Variants in GTF2H1 observed in about 807,000 individuals in gnomAD.
The protein encoded by GTF2H1 is general transcription factor IIH subunit 1.
Under a neutral mutation model 71.2 loss-of-function variants are expected in GTF2H1, and 16 were observed. The ratio of observed to expected loss-of-function variants is 0.22; its 90% confidence interval spans 0.15 to 0.34. The LOEUF (loss-of-function observed/expected upper bound fraction) is 0.34. Among genes scored for constraint, GTF2H1 ranks in the 10% least tolerant of loss-of-function variants. GTF2H1 has a pLI of 1.00. For synonymous variants in GTF2H1, 215 were observed against 219.0 expected (o/e 0.98, Z 0.16); for missense variants, 498 against 648.2 (o/e 0.77, Z 2.52).
chr11:18,348,259 C>G (rs1394642770), intron 9 of GTF2H1: 1 of 391,952 alleles, frequency 2.6e-6, no homozygotes, highest in Admixed American at 4.4e-5. Flanking sequence ...GACAGAAAAA[C>G]CGAAGTTTCA....
At chr11:18,324,578 A>G (rs757509007) in intron 1 of GTF2H1, among the ~76,000 whole-genome samples, 16 of 152,134 alleles carry the variant, frequency 1.1e-4, no homozygotes, top group Non-Finnish European at 2.2e-4. Context: ...ATTCCCTACC[A>G]TCAGAATGTT....
chr11:18,342,306 G>T (rs1188081055), intron 7 of GTF2H1, among the ~76,000 whole-genome samples: 1 of 126,338 alleles, frequency 7.9e-6, no homozygotes, highest in Non-Finnish European at 1.6e-5. Context: ...CTGTTGCCCA[G>T]GCTGGAGTGC....
chr11:18,344,304 T>G (rs4150627), intron 7 of GTF2H1, among the ~76,000 whole-genome samples: 39 of 152,056 alleles, frequency 2.6e-4, no homozygotes, highest in Non-Finnish European at 5.1e-4. Context: ...TCTTTTATAG[T>G]TTATTCTCCC....
At chr11:18,338,321 C>T (rs757785641) in intron 4 of GTF2H1, 47 bp downstream of exon 4, 2 of 1,229,182 alleles carry the variant, frequency 1.6e-6, no homozygotes, top group Non-Finnish European at 2.4e-6. Context: ...ATTCAAACCC[C>T]AATATGTGTC....
At chr11:18,363,117 A>G (rs1389061796) in intron 14 of GTF2H1, among the ~76,000 whole-genome samples, 2 of 152,168 alleles carry the variant, frequency 1.3e-5, no homozygotes, top group Non-Finnish European at 2.9e-5. Context: ...AAAAGTCTTC[A>G]GGGGCAGTAA....
chr11:18,356,848 G>C (rs190094292), intron 11 of GTF2H1, among the ~76,000 whole-genome samples: 2 of 143,308 alleles, frequency 1.4e-5, no homozygotes, highest in African/African-American at 5.2e-5. Context: ...GGAGTGCAGT[G>C]ACACCATCTC....
chr11:18,352,562 C>A, intron 11 of GTF2H1, 116 bp downstream of exon 11: 1 of 510,580 alleles, frequency 2.0e-6, no homozygotes, highest in Non-Finnish European at 3.6e-6. Flanking sequence ...AGACATAGTT[C>A]TGCTAAATAA....
In GTF2H1 at chr11:18,334,263, C is replaced by T. The variant is rs4150569; in HGVS notation, c.154+1035C>T. Among the ~76,000 whole-genome samples, 739 of 152,196 alleles carry T rather than the reference C, an allele frequency of 4.9e-3. 4 individuals are homozygous for T. The highest frequency in any genetic ancestry group is 8.6e-3 in the Non-Finnish European group (582 of 68,014). On this transcript the variant is annotated intron_variant, in intron 2 of 14. Coordinates refer to ENST00000265963, the MANE Select transcript of GTF2H1 (RefSeq NM_005316.4). ...GGCATGGTGGCGGGCGCCTGTAGTC[C>T]CAGCTCCTCGGGAGCCTGAGGCAGG...
chr11:18,334,031 C>T (rs942029687), intron 2 of GTF2H1, among the ~76,000 whole-genome samples: 4 of 152,126 alleles, frequency 2.6e-5, no homozygotes, highest in African/African-American at 9.7e-5. Context: ...CACCTGAGAT[C>T]AGAAGTTTGA....
chr11:18,337,894 C>T (rs1412253105), intron 3 of GTF2H1, among the ~76,000 whole-genome samples: 1 of 152,146 alleles, frequency 6.6e-6, no homozygotes, highest in Non-Finnish European at 1.5e-5. Context: ...TTTACACCTA[C>T]CTCCATTTAT....
At chr11:18,329,654 C>T (rs925985063) in intron 1 of GTF2H1, among the ~76,000 whole-genome samples, 1 of 152,246 alleles carries the variant, frequency 6.6e-6, no homozygotes, top group Non-Finnish European at 1.5e-5. Flanking sequence ...TCCTACTGAT[C>T]TCATGAACCT....
chr11:18,364,816 C>A (rs1865780381), intron 14 of GTF2H1, among the ~76,000 whole-genome samples: 1 of 152,098 alleles, frequency 6.6e-6, no homozygotes, highest in African/African-American at 2.4e-5. Flanking sequence ...AACTGTTTCA[C>A]AAAATTATGC....
intron 2 of GTF2H1, among the ~76,000 whole-genome samples, chr11:18,334,793 A>G (rs116476387): frequency 4.1e-4 from 62 of 152,322 alleles, no homozygotes; most frequent in Non-Finnish European, 6.2e-4. Context: ...CCACCTAGAT[A>G]TTAGTTATTA....
intron 1 of GTF2H1, among the ~76,000 whole-genome samples, chr11:18,323,929 T>G (rs1051114909): frequency 6.6e-6 from 1 of 152,218 alleles, no homozygotes; most frequent in African/African-American, 2.4e-5. Context: ...TAACCTCTAG[T>G]AGCAGGCCTT....
rs562322938 is a variant in GTF2H1, at chr11:18,335,249, CT to C, written c.155-501del. On this transcript the variant is annotated intron_variant, in intron 2 of 14. Coordinates refer to ENST00000265963, the MANE Select transcript of GTF2H1 (RefSeq NM_005316.4). ...AAGCATATAGTGTCAGGTTGTCTCA[CT>C]TTTAATGAGGCTAAGTTTGATAACT... is the stretch of plus-strand genomic sequence containing the variant. 1.8e-4 allele frequency among the ~76,000 whole-genome samples: 27 copies of C among 152,308 alleles called. No homozygotes were observed. The East Asian group carries it at 5.2e-3, about 29-fold the overall frequency.
At chr11:18,339,345 C>CT (rs1865103361) in intron 4 of GTF2H1, among the ~76,000 whole-genome samples, 1 of 152,210 alleles carries the variant, frequency 6.6e-6, no homozygotes, top group Non-Finnish European at 1.5e-5. Flanking sequence ...CCATATTAGA[C>CT]TTCCAAAGGA....
chr11:18,365,298 G>A (rs952898592), intron 14 of GTF2H1, among the ~76,000 whole-genome samples: 1 of 151,948 alleles, frequency 6.6e-6, no homozygotes, highest in Non-Finnish European at 1.5e-5. Context: ...GAACTGCTTG[G>A]ACCTGTGAGG....
chr11:18,330,586 C>T lies in GTF2H1; in HGVS notation c.-15-2474C>T, dbSNP rs575640216. 1.2e-4 allele frequency among the ~76,000 whole-genome samples: 19 copies of T among 152,282 alleles called. No individual in the cohort carries two copies. The East Asian group carries it at 2.1e-3, about 17-fold the overall frequency. Reference sequence around the variant, plus strand: ...ACAGGAAGATTGTGAATTATTTGCACGGGAGGGCTATGTGTCCTGGACCAT... The same window carrying T: ...ACAGGAAGATTGTGAATTATTTGCATGGGAGGGCTATGTGTCCTGGACCAT... On this transcript the variant is annotated intron_variant, in intron 1 of 14. Transcript: ENST00000265963.
At chr11:18,332,795 G>A (rs191751701) in intron 1 of GTF2H1, 72 of 240,110 alleles carry the variant, frequency 3.0e-4, no homozygotes, top group African/African-American at 1.6e-3. Flanking sequence ...GAATATAACT[G>A]AGGAAAATAA....
Sources: gnomAD v4.1 joint callset for allele counts (sites outside exome capture counted in the v4.1 genomes callset) on GRCh38, gnomAD v4.1.1 for gene constraint, MANE v1.5 for transcripts, NCBI Gene and HGNC (gene_info 2026-07-23, HGNC 2026-07-21) for gene names.